Variants in PLXNA2 observed in about 807,000 individuals in gnomAD.
PLXNA2 encodes plexin A2.
PLXNA2 carries 91 observed loss-of-function variants against 193.5 expected under a neutral mutation model. That is an observed-to-expected ratio of 0.47 (90% CI 0.40 to 0.56). PLXNA2 has a LOEUF of 0.56. Among genes scored for constraint, PLXNA2 ranks in the 20% least tolerant of loss-of-function variants. PLXNA2 has a pLI of 0.00. For missense variants in PLXNA2, 1,995 were observed against 2,503.2 expected (o/e 0.80, Z 4.33); for synonymous variants, 997 against 1,027.3 (o/e 0.97, Z 0.56).
intron 10 of PLXNA2, 54 bp downstream of exon 10, chr1:208,084,324 GCA>G: frequency 6.4e-7 from 1 of 1,574,482 alleles, no homozygotes; most frequent in Non-Finnish European, 8.7e-7. Flanking sequence ...TGAGGCCCCA[GCA>G]CGAGTGTGAG....
intron 3 of PLXNA2, among the ~76,000 whole-genome samples, chr1:208,204,696 G>T (rs982766898): frequency 6.6e-6 from 1 of 152,220 alleles, no homozygotes; most frequent in African/African-American, 2.4e-5. Flanking sequence ...AGCACCTAAT[G>T]TGTATCTGGC....
chr1:208,123,457 T>C (rs1224606546), intron 4 of PLXNA2, among the ~76,000 whole-genome samples: 1 of 152,190 alleles, frequency 6.6e-6, no homozygotes, highest in East Asian at 1.9e-4. Flanking sequence ...AGTGAAATGA[T>C]GTTTTCGAGT....
At chr1:208,099,861 A>C (rs1335133276) in intron 5 of PLXNA2, among the ~76,000 whole-genome samples, 1 of 151,690 alleles carries the variant, frequency 6.6e-6, no homozygotes, top group South Asian at 2.1e-4. Flanking sequence ...GAGCCACCGC[A>C]CCTGGCCCTA....
intron 3 of PLXNA2, among the ~76,000 whole-genome samples, chr1:208,192,651 C>T (rs910894038): frequency 2.0e-5 from 3 of 151,950 alleles, no homozygotes; most frequent in African/African-American, 7.3e-5. Context: ...CTTTGGGAGG[C>T]CAAGGTGGGC....
At chr1:208,142,615 C>A in intron 3 of PLXNA2, 152 bp from the exon 4 acceptor site, 1 of 677,414 alleles carries the variant, frequency 1.5e-6, no homozygotes, top group Non-Finnish European at 2.4e-6. Flanking sequence ...TTAAACAGCC[C>A]AATTTCCACC....
intron 1 of PLXNA2, among the ~76,000 whole-genome samples, chr1:208,220,646 G>A (rs114096062): frequency 0.059 from 8,702 of 148,122 alleles, 367 homozygotes; most frequent in East Asian, 0.15. Flanking sequence ...GTTTCACCAT[G>A]TTGGTCACAC....
rs115510122 is a variant in PLXNA2 at position 208,165,060 on chromosome 1, A to C, written c.1372-22597T>G. On this transcript the variant is annotated intron_variant, in intron 3 of 31. Transcript: ENST00000367033. ...GTTTGAATTTGCCGCAATGATTGGC[A>C]AAGGCCTGTGGAGATGGAGGGATTA... 6.3e-3 allele frequency among the ~76,000 whole-genome samples: 961 copies of C among 152,296 alleles called. 12 individuals are homozygous for C. The highest frequency in any genetic ancestry group is 0.022 in the African/African-American group (917 of 41,558).
At chr1:208,237,510 T>A (rs527755697) in intron 1 of PLXNA2, among the ~76,000 whole-genome samples, 1 of 152,268 alleles carries the variant, frequency 6.6e-6, no homozygotes, top group Admixed American at 6.5e-5. Flanking sequence ...TGCCGTAGGA[T>A]ATTGACTAAT....
chr1:208,083,448 C>G (rs773846994), intron 10 of PLXNA2, among the ~76,000 whole-genome samples: 6 of 152,076 alleles, frequency 3.9e-5, no homozygotes, highest in African/African-American at 1.4e-4. Context: ...TCCCGCCCTC[C>G]CCTGCCCACT....
intron 13 of PLXNA2, 107 bp from the exon 14 acceptor site, chr1:208,054,645 GCCAGAC>G: frequency 1.3e-6 from 1 of 768,480 alleles, no homozygotes; most frequent in Non-Finnish European, 2.3e-6. Flanking sequence ...TTGCAATAAT[GCCAGAC>G]CAAGACTCAG....
At chr1:208,240,874 A>C (rs141718449) in intron 1 of PLXNA2, among the ~76,000 whole-genome samples, 1,899 of 152,188 alleles carry the variant, frequency 0.012, 27 homozygotes, top group Non-Finnish European at 0.018. Flanking sequence ...GTGGCAATGC[A>C]GGGAGACAGC....
intron 3 of PLXNA2, among the ~76,000 whole-genome samples, chr1:208,185,721 A>AAAAAAAAAAAAAAAAAAAAAAAAAAG (rs1669977326): frequency 8.0e-6 from 1 of 124,520 alleles, no homozygotes; most frequent in African/African-American, 3.0e-5. Context: ...AAAAAAAAGG[A>AAAAAAAAAAAAAAAAAAAAAAAAAAG]AAAAAAAAAA....
At chr1:208,107,291 A>G (rs185130156) in intron 4 of PLXNA2, among the ~76,000 whole-genome samples, 41 of 152,328 alleles carry the variant, frequency 2.7e-4, no homozygotes, top group Admixed American at 3.9e-4. Flanking sequence ...ACTGATATAG[A>G]TGACTCCAGC....
At chr1:208,170,615 C>T (rs1425695587) in intron 3 of PLXNA2, among the ~76,000 whole-genome samples, 1 of 152,158 alleles carries the variant, frequency 6.6e-6, no homozygotes, top group Non-Finnish European at 1.5e-5. Flanking sequence ...GGAATGAATC[C>T]GATGTGATCA....
chr1:208,215,015 T>C (rs1302584090), intron 2 of PLXNA2, among the ~76,000 whole-genome samples: 2 of 151,874 alleles, frequency 1.3e-5, no homozygotes, highest in Non-Finnish European at 2.9e-5. Flanking sequence ...CTAGTGATCA[T>C]GTCTTTTTTT....
At chr1:208,106,777 C>T (rs1667282959) in intron 4 of PLXNA2, among the ~76,000 whole-genome samples, 2 of 152,230 alleles carry the variant, frequency 1.3e-5, no homozygotes, top group Admixed American at 1.3e-4. Flanking sequence ...TAAAATTACA[C>T]ATGTAGTTCA....
intron 12 of PLXNA2, among the ~76,000 whole-genome samples, chr1:208,065,234 A>G (rs1253970002): frequency 2.0e-5 from 3 of 152,206 alleles, no homozygotes; most frequent in Non-Finnish European, 4.4e-5. Flanking sequence ...TGTCTTGGTC[A>G]GTTTCAGATA....
chr1:208,163,975 G>A lies in PLXNA2; in HGVS notation c.1372-21512C>T, dbSNP rs554659990. Among the ~76,000 whole-genome samples the A allele has an allele frequency of 4.0e-4, 61 of 152,328 alleles. 1 individual carries two copies. In the South Asian group the frequency reaches 0.012, roughly 29 times the overall value. On this transcript the variant is annotated intron_variant, in intron 3 of 31. Coordinates refer to ENST00000367033, the MANE Select transcript of PLXNA2 (RefSeq NM_025179.4). Reference sequence around the variant, plus strand: ...TCATCACCACCCCCACAAAGGGGCCGCTTCCCCCCATGGAGCACAGGAAGG... The same window carrying A: ...TCATCACCACCCCCACAAAGGGGCCACTTCCCCCCATGGAGCACAGGAAGG...
chr1:208,240,210 G>T (rs1172677677), intron 1 of PLXNA2, among the ~76,000 whole-genome samples: 1 of 152,232 alleles, frequency 6.6e-6, no homozygotes, highest in African/African-American at 2.4e-5. Flanking sequence ...TCCAATTCCA[G>T]ATGGAGCAGT....
Sources: allele counts gnomAD v4.1 joint callset (sites outside exome capture counted in the v4.1 genomes callset), GRCh38; gene constraint gnomAD v4.1.1; transcripts MANE v1.5; gene names NCBI Gene and HGNC (gene_info 2026-07-23, HGNC 2026-07-21).